The following KDM1A variants were observed in gnomAD, a reference collection of about 807,000 sequenced individuals.
The protein encoded by KDM1A is lysine-specific histone demethylase 1A.
A neutral mutation model predicts 109.4 loss-of-function variants in KDM1A; 49 were observed. The observed-to-expected ratio is 0.45, with a 90% confidence interval of 0.36 to 0.57. The LOEUF (loss-of-function observed/expected upper bound fraction) is 0.57, where lower values mean the gene tolerates loss of function less well. Ranked by LOEUF, KDM1A falls within the 20% of genes least tolerant of loss-of-function variation. The pLI is 0.00. For missense variants in KDM1A, 668 were observed against 1,116.6 expected, an observed-to-expected ratio of 0.60 and a Z score of 5.73; for synonymous variants, 380 against 415.4, an observed-to-expected ratio of 0.91 and a Z score of 1.04.
At chr1:23,044,135 A>G (rs1642434680) in intron 2 of KDM1A, among the ~76,000 whole-genome samples, 1 of 152,258 alleles carries the variant, frequency 6.6e-6, no homozygotes, top group South Asian at 2.1e-4. Flanking sequence ...CCCCATCCAG[A>G]CTATTAATAT....
rs1283672344 is a variant in KDM1A, at chr1:23,042,601, C to T, written c.518-1826C>T. The stretch of plus-strand genomic sequence containing the variant: ...CGAAGTAGCTGGGACTACAGGCGCC[C>T]GCCACTACTCCCGGCTAATTTTTTG... On this transcript the variant is annotated intron_variant, in intron 2 of 20. Coordinates refer to ENST00000400181, the MANE Select transcript of KDM1A (RefSeq NM_001009999.3). Among the ~76,000 whole-genome samples, 83 of 149,678 alleles carry T rather than the reference C, an allele frequency of 5.5e-4. No individual in the cohort carries two copies. The East Asian group carries it at 0.014, about 25-fold the overall frequency.
At chr1:23,077,448 C>T (rs973093919) in intron 16 of KDM1A, 88 bp downstream of exon 16, 18 of 1,380,396 alleles carry the variant, frequency 1.3e-5, no homozygotes, top group Non-Finnish European at 1.7e-5. Context: ...GGTACATTTC[C>T]TGATAGAGTG....
At chr1:23,050,556 A>G (rs1236085033) in intron 4 of KDM1A, 36 bp downstream of exon 4, 3 of 1,561,870 alleles carry the variant, frequency 1.9e-6, no homozygotes, top group South Asian at 2.4e-5. Context: ...CCTGGATTAT[A>G]AAAAGTATAT....
chr1:23,061,335 T>C (rs1482720815), intron 9 of KDM1A, among the ~76,000 whole-genome samples: 2 of 152,192 alleles, frequency 1.3e-5, no homozygotes, highest in Non-Finnish European at 2.9e-5. Context: ...ACCAGCCCTT[T>C]GAGTAGCACT....
At chr1:23,034,652 T>C (rs915174623) in intron 2 of KDM1A, among the ~76,000 whole-genome samples, 2 of 152,140 alleles carry the variant, frequency 1.3e-5, no homozygotes, top group African/African-American at 2.4e-5. Flanking sequence ...TCCACTGCCT[T>C]TCAGCAGTCA....
chr1:23,063,206 GT>G lies in KDM1A; in HGVS notation c.1168-2853del, dbSNP rs1349720012. On this transcript the variant is annotated intron_variant, in intron 9 of 20. Transcript: ENST00000400181. The stretch of plus-strand genomic sequence containing the variant: ...ACAGTGCTGTAGCATTGGGGGGGGG[GT>G]GTGGTGTGGGGTGGGTGTGTGTGGG... Among the ~76,000 whole-genome samples the G allele has an allele frequency of 3.7e-3, 237 of 64,212 alleles. 3 individuals are homozygous for G. Among genetic ancestry groups the G allele is most frequent in the Non-Finnish European group, 4.9e-3 (139 of 28,556 alleles). The allele number at this position is 64,212 out of a possible 152,430, so 42.1% of individuals were successfully genotyped here.
In KDM1A at chr1:23,079,220, A is replaced by G; in HGVS notation, c.2055+43A>G. On this transcript the variant is annotated intron_variant, in intron 17 of 20. Transcript: ENST00000400181. This position sits in a 1 kb window ranked among gnomAD's most constrained non-coding sequence, Gnocchi z 5.6. ...CTCCTGTCTACAGATCTGATGTACA[A>G]ATAGCAGTCTTCGTTGTTTACTTGG... The G allele has an allele frequency of 6.3e-7, 1 of 1,577,828 alleles. No individual in the cohort carries two copies. Among genetic ancestry groups the G allele is most frequent in the Non-Finnish European group, 8.6e-7 (1 of 1,157,410 alleles).
chr1:23,022,983 T>C (rs957115145), intron 1 of KDM1A, among the ~76,000 whole-genome samples: 4 of 152,308 alleles, frequency 2.6e-5, no homozygotes, highest in African/African-American at 9.6e-5. Context: ...ACATTTAATA[T>C]TGTTTGTCTT....
intron 2 of KDM1A, among the ~76,000 whole-genome samples, chr1:23,040,662 C>T (rs533991195): frequency 6.6e-5 from 10 of 152,006 alleles, no homozygotes; most frequent in South Asian, 6.3e-4. Context: ...GTGGTACATG[C>T]CTGTAGTCCT....
chr1:23,027,509 C>G (rs1641844262), intron 1 of KDM1A, among the ~76,000 whole-genome samples: 1 of 146,116 alleles, frequency 6.8e-6, no homozygotes, highest in Non-Finnish European at 1.5e-5. Flanking sequence ...TGACCCCCCC[C>G]CGCCCCCACC....
intron 3 of KDM1A, among the ~76,000 whole-genome samples, chr1:23,044,996 CTT>C (rs1642462076): frequency 6.6e-6 from 1 of 152,272 alleles, no homozygotes; most frequent in Non-Finnish European, 1.5e-5. Flanking sequence ...GTTAATCATT[CTT>C]CAGTTTAAAC....
chr1:23,054,111 C>A (rs112679923), intron 5 of KDM1A, among the ~76,000 whole-genome samples: 2 of 152,124 alleles, frequency 1.3e-5, no homozygotes, highest in Admixed American at 6.5e-5. Context: ...TGGAATACTT[C>A]GGCGCTTCAT....
chr1:23,042,483 C>T (rs1488347126), intron 2 of KDM1A, among the ~76,000 whole-genome samples: 1 of 82,862 alleles, frequency 1.2e-5, no homozygotes, highest in Non-Finnish European at 2.2e-5. Context: ...GACGGAGTCT[C>T]GCTCTGTCGC....
In KDM1A at chr1:23,073,411, T is replaced by G. The variant is rs571596341; in HGVS notation, c.1734+8T>G. 1.3e-4 allele frequency: 184 copies of G among 1,436,582 alleles called. No individual in the cohort carries two copies. In the South Asian group the frequency reaches 2.0e-3, roughly 16 times the overall value. The allele number at this position is 1,436,582 out of a possible 1,614,324, so 89.0% of individuals were successfully genotyped here. Reference sequence around the variant, plus strand: ...CTTAAGCACTGGGATCAGGTAAGTTTCCCTTATTGTTTATTTTATTGCACA... The same window carrying G: ...CTTAAGCACTGGGATCAGGTAAGTTGCCCTTATTGTTTATTTTATTGCACA... On this transcript the variant is annotated splice_region_variant and intron_variant, in intron 15 of 20. Coordinates refer to ENST00000400181, the MANE Select transcript of KDM1A (RefSeq NM_001009999.3).
chr1:23,050,238 T>C (rs940060513), intron 3 of KDM1A, 149 bp from the exon 4 acceptor site: 7 of 666,478 alleles, frequency 1.1e-5, no homozygotes, highest in African/African-American at 3.7e-5. Flanking sequence ...AATAAGTGGC[T>C]AATATCTAAG....
At chr1:23,020,991 T>C (rs1037612544) in intron 1 of KDM1A, among the ~76,000 whole-genome samples, 1 of 152,182 alleles carries the variant, frequency 6.6e-6, no homozygotes, top group African/African-American at 2.4e-5. Flanking sequence ...CCTGGATATA[T>C]ATGTGCGTGT....
intron 9 of KDM1A, among the ~76,000 whole-genome samples, chr1:23,064,320 A>T (rs1024017213): frequency 6.6e-6 from 1 of 152,244 alleles, no homozygotes; most frequent in African/African-American, 2.4e-5. Flanking sequence ...TTCTTCTTCT[A>T]GGTTTTACCA....
chr1:23,056,628 G>A (rs529750776), intron 7 of KDM1A, among the ~76,000 whole-genome samples: 3 of 151,834 alleles, frequency 2.0e-5, no homozygotes, highest in South Asian at 4.2e-4. Flanking sequence ...AGAGTATGGG[G>A]AAATTGAAAT....
At chr1:23,052,836 C>T (rs1386837016) in intron 4 of KDM1A, among the ~76,000 whole-genome samples, 1 of 152,114 alleles carries the variant, frequency 6.6e-6, no homozygotes, top group African/African-American at 2.4e-5. Context: ...GTTCCTTCTC[C>T]TCTTGCCCTA....
Sources: gnomAD v4.1 joint callset for allele counts (sites outside exome capture counted in the v4.1 genomes callset) on GRCh38, gnomAD v4.1.1 for gene constraint, Gnocchi (gnomAD v3.1) non-coding constraint, MANE v1.5 for transcripts, NCBI Gene and HGNC (gene_info 2026-07-23, HGNC 2026-07-21) for gene names.